KALRN: variants seen among roughly 807,000 people sequenced by gnomAD.
The protein encoded by KALRN is kalirin RhoGEF kinase, also known as kalirin.
KALRN carries 70 observed loss-of-function variants against 353.7 expected under a neutral mutation model. The observed-to-expected ratio is 0.20, with a 90% CI of 0.16 to 0.24. The LOEUF (loss-of-function observed/expected upper bound fraction) is 0.24. Ranked by LOEUF, KALRN falls within the 10% of genes least tolerant of loss-of-function variation. The pLI, the probability that KALRN is intolerant of heterozygous loss-of-function variation, is 1.00. For synonymous variants in KALRN, 1,391 were observed against 1,434.8 expected (o/e 0.97, Z 0.69); for missense variants, 2,791 against 3,756.7 (o/e 0.74, Z 6.72).
At chr3:124,288,030 C>A (rs867657328) in intron 5 of KALRN, among the ~76,000 whole-genome samples, 2 of 151,442 alleles carry the variant, frequency 1.3e-5, no homozygotes, top group Admixed American at 6.6e-5. Flanking sequence ...CCTGCCACCA[C>A]GCCTGGCTAA....
At chr3:124,356,318 TTTTTC>T (rs1464882226) in intron 10 of KALRN, among the ~76,000 whole-genome samples, 14 of 98,006 alleles carry the variant, frequency 1.4e-4, no homozygotes, top group Admixed American at 6.3e-4. Flanking sequence ...TTCTCTTTTT[TTTTTC>T]TTTTTCTTTT....
At chr3:124,148,499 G>A (rs1238038879) in intron 1 of KALRN, among the ~76,000 whole-genome samples, 2 of 152,320 alleles carry the variant, frequency 1.3e-5, no homozygotes, top group East Asian at 1.9e-4. Context: ...TTGCCCAGGG[G>A]AACATCTAGA....
chr3:124,448,989 A>T (rs1260680780), intron 21 of KALRN, among the ~76,000 whole-genome samples: 1 of 152,196 alleles, frequency 6.6e-6, no homozygotes, highest in East Asian at 1.9e-4. Context: ...TGTAACTATC[A>T]TGTTCCAAAT....
In KALRN at chr3:124,040,736, GA is replaced by G. The variant is rs200517194; in HGVS notation, c.73+6929del. The stretch of plus-strand genomic sequence containing the variant: ...TTCACAGGTTGAGAGTATTAAGTAG[GA>G]AAAAACATGTATGGAGCATCTAGTG... On this transcript the variant is annotated intron_variant, in intron 1 of 59. Coordinates refer to ENST00000682506, the MANE Select transcript of KALRN (RefSeq NM_001388419.1). Among the ~76,000 whole-genome samples, 1,360 of 152,270 alleles carry G rather than the reference GA, an allele frequency of 8.9e-3. 8 individuals are homozygous for G. The highest frequency in any genetic ancestry group is 0.031 in the African/African-American group (1,290 of 41,530).
chr3:124,152,771 TTTTGTTTG>T (rs562587190), intron 1 of KALRN: 8 of 348,200 alleles, frequency 2.3e-5, no homozygotes, highest in African/African-American at 8.8e-5. Flanking sequence ...TTTTTGTAGT[TTTTGTTTG>T]TTTGTTTGTT....
rs1158907233 is a variant in KALRN, at chr3:124,724,318, G to T, written c.*4848G>T. On this transcript the variant is annotated 3_prime_UTR_variant, in exon 60 of 60. Coordinates refer to ENST00000682506, the MANE Select transcript of KALRN (RefSeq NM_001388419.1). ...ACTCACCATGTCCTTATTCAGTATG[G>T]TCAATGAATTGTGCTGGATGAGTTT... 6.6e-6 allele frequency: 1 copy of T among 152,154 alleles called. No individual in the cohort carries two copies. The highest frequency in any genetic ancestry group is 1.5e-5 in the Non-Finnish European group (1 of 68,032). The allele number at this position is 152,154 out of a possible 1,614,324, so 9.4% of individuals were successfully genotyped here.
rs115922097 is a variant in KALRN at position 124,579,194 on chromosome 3, G to A, written c.5182+16105G>A. Among the ~76,000 whole-genome samples the A allele has an allele frequency of 1.9e-3, 295 of 152,336 alleles. 2 individuals carry two copies. The highest frequency in any genetic ancestry group is 6.9e-3 in the African/African-American group (287 of 41,582). Reference sequence around the variant, plus strand: ...GAAGACTGTGGTTAATGTGGAGGGAGAGGCAGTCACACTGGTGCCTGATGT... The same window carrying A: ...GAAGACTGTGGTTAATGTGGAGGGAAAGGCAGTCACACTGGTGCCTGATGT... On this transcript the variant is annotated intron_variant, in intron 34 of 59. Transcript: ENST00000682506.
chr3:124,366,904 C>T (rs1367854878), intron 10 of KALRN, among the ~76,000 whole-genome samples: 18 of 132,404 alleles, frequency 1.4e-4, no homozygotes, highest in African/African-American at 5.0e-4. Flanking sequence ...ACCTCCCTCC[C>T]GGATGGGGTG....
At chr3:124,076,513 G>A (rs1383100979) in intron 1 of KALRN, among the ~76,000 whole-genome samples, 1 of 152,194 alleles carries the variant, frequency 6.6e-6, no homozygotes, top group Non-Finnish European at 1.5e-5. Context: ...TTCATCCGCT[G>A]TAGCAAGCCC....
chr3:124,589,729 A>C (rs1307684769), intron 34 of KALRN, among the ~76,000 whole-genome samples: 1 of 152,190 alleles, frequency 6.6e-6, no homozygotes, highest in Non-Finnish European at 1.5e-5. Flanking sequence ...TAGCATATAC[A>C]GTTGTCCCTC....
At chr3:124,210,821 A>G (rs958066675) in intron 1 of KALRN, among the ~76,000 whole-genome samples, 2 of 152,200 alleles carry the variant, frequency 1.3e-5, no homozygotes, top group African/African-American at 4.8e-5. Context: ...TTTTAATCCT[A>G]CAGCCACAAA....
At chr3:124,263,356 T>C (rs905381126) in intron 3 of KALRN, among the ~76,000 whole-genome samples, 14 of 152,212 alleles carry the variant, frequency 9.2e-5, no homozygotes, top group Admixed American at 2.0e-4. Context: ...TCAGTTCCAC[T>C]CTTGGCTCTC....
At chr3:124,160,919 C>A (rs760915394) in intron 1 of KALRN, among the ~76,000 whole-genome samples, 1 of 146,050 alleles carries the variant, frequency 6.8e-6, no homozygotes, top group Non-Finnish European at 1.5e-5. Flanking sequence ...TCCTGTAGTT[C>A]TCCAAGGACT....
intron 33 of KALRN, chr3:124,518,335 G>A: frequency 5.2e-6 from 7 of 1,333,850 alleles, no homozygotes; most frequent in Middle Eastern, 1.8e-4. Context: ...TAAGGGCTAC[G>A]GGATCTCATG....
At chr3:124,221,417 G>A (rs1486796230) in intron 1 of KALRN, among the ~76,000 whole-genome samples, 1 of 152,144 alleles carries the variant, frequency 6.6e-6, no homozygotes, top group African/African-American at 2.4e-5. Flanking sequence ...TTCTGGAGTA[G>A]AACAAGGAAT....
intron 9 of KALRN, among the ~76,000 whole-genome samples, chr3:124,339,370 C>T (rs906807983): frequency 4.6e-5 from 7 of 152,136 alleles, no homozygotes; most frequent in Admixed American, 2.0e-4. Context: ...AAGCACAGTC[C>T]GTACACCTGC....
chr3:124,493,295 A>G (rs906245561), intron 32 of KALRN, among the ~76,000 whole-genome samples: 1 of 152,226 alleles, frequency 6.6e-6, no homozygotes, highest in Admixed American at 6.5e-5. Flanking sequence ...TGGATAGTCA[A>G]AGGGCTTTGT....
intron 34 of KALRN, among the ~76,000 whole-genome samples, chr3:124,581,659 G>A (rs2074645880): frequency 6.6e-6 from 1 of 152,166 alleles, no homozygotes; most frequent in Non-Finnish European, 1.5e-5. Context: ...ATGAAATTTT[G>A]AAGCATCTTT....
At chr3:124,279,854 A>G (rs1415510042) in intron 5 of KALRN, among the ~76,000 whole-genome samples, 1 of 152,246 alleles carries the variant, frequency 6.6e-6, no homozygotes, top group Non-Finnish European at 1.5e-5. Flanking sequence ...CTATGGGAGC[A>G]TAGATGGAGA....
Sources: allele counts gnomAD v4.1 joint callset (sites outside exome capture counted in the v4.1 genomes callset), GRCh38; gene constraint gnomAD v4.1.1; transcripts MANE v1.5; gene names NCBI Gene and HGNC (gene_info 2026-07-23, HGNC 2026-07-21).